The following RPAP2 variants were observed in gnomAD, a reference collection of about 807,000 sequenced individuals.
RPAP2 encodes the protein putative RNA polymerase II subunit B1 CTD phosphatase RPAP2.
RPAP2 carries 52 observed loss-of-function variants against 73.1 expected under a neutral mutation model. The observed-to-expected ratio is 0.71, with a 90% CI of 0.57 to 0.90. RPAP2 has a LOEUF of 0.90. Among genes scored for constraint, RPAP2 ranks in the 40% least tolerant of loss-of-function variants. The pLI, the probability that RPAP2 is intolerant of heterozygous loss-of-function variation, is 0.00. For missense variants in RPAP2, 598 were observed against 701.8 expected, an observed-to-expected ratio of 0.85 and a Z score of 1.67; for synonymous variants, 225 against 242.1, an observed-to-expected ratio of 0.93 and a Z score of 0.65.
intron 10 of RPAP2, among the ~76,000 whole-genome samples, chr1:92,345,612 T>C (rs1653847893): frequency 6.6e-6 from 1 of 152,070 alleles, no homozygotes; most frequent in Admixed American, 6.6e-5. Flanking sequence ...AGTAGTAATA[T>C]TATTAAAAAC....
At chr1:92,365,025 A>G (rs771729805) in intron 11 of RPAP2, among the ~76,000 whole-genome samples, 24 of 152,208 alleles carry the variant, frequency 1.6e-4, no homozygotes, top group Non-Finnish European at 2.9e-4. Context: ...TTCCCCCACA[A>G]TCATCTTCAA....
intron 2 of RPAP2, among the ~76,000 whole-genome samples, chr1:92,301,015 G>C (rs1650816018): frequency 6.6e-6 from 1 of 152,240 alleles, no homozygotes; most frequent in Non-Finnish European, 1.5e-5. Context: ...AATTTAGTTG[G>C]AGGTGGGTGG....
intron 8 of RPAP2, among the ~76,000 whole-genome samples, chr1:92,328,020 TCTG>T (rs1360213256): frequency 1.3e-5 from 2 of 152,218 alleles, no homozygotes; most frequent in Non-Finnish European, 2.9e-5. Flanking sequence ...TGCTGAGAAA[TCTG>T]CTGTTAATCT....
At position 92,324,211 on chromosome 1, in the gene RPAP2, G is replaced by A. The variant is rs1391030948; in HGVS notation, c.1291G>A (p.Asp431Asn). Residue 431 changes from aspartate to asparagine, a missense_variant, in exon 8 of 13, where the codon GAT (aspartate) becomes AAT (asparagine). This residue lies in a region of RPAP2 where 506 missense variants were observed against 612.8 expected (regional missense o/e 0.83). Transcript: ENST00000610020. ...CTGGAGGGAATCTCAGAACAGCTTG[G>A]ATGAGTCTTTACCTTTTAGGGGCTC... ...PAWRESQNSLDESLPFRGSGT... is the reference protein window; with the variant it reads ...PAWRESQNSLNESLPFRGSGT... 1 of 1,613,996 alleles carries A rather than the reference G, an allele frequency of 6.2e-7. No individual in the cohort carries two copies. Among genetic ancestry groups the A allele is most frequent in the African/African-American group, 1.3e-5 (1 of 74,920 alleles).
At chr1:92,303,573 A>G (rs910731034) in intron 3 of RPAP2, among the ~76,000 whole-genome samples, 1 of 152,174 alleles carries the variant, frequency 6.6e-6, no homozygotes, top group Non-Finnish European at 1.5e-5. Context: ...GCTTTAAAAA[A>G]TAGGTAAAAT....
intron 8 of RPAP2, among the ~76,000 whole-genome samples, chr1:92,331,202 T>C (rs1334900608): frequency 1.3e-5 from 2 of 152,226 alleles, no homozygotes; most frequent in African/African-American, 2.4e-5. Context: ...TGGAGCAACC[T>C]TTCTATTTGC....
Position 92,387,127 on chromosome 1 carries a change from A to C in RPAP2, c.*116A>C. On this transcript the variant is annotated 3_prime_UTR_variant, in exon 13 of 13. Transcript: ENST00000610020. ...TAGTTTTATTCCAAGACATACCTTT[A>C]CCTCTTTAAGTTTCAATCTCCCATC... The C allele has an allele frequency of 9.3e-7, 1 of 1,073,532 alleles. No individual in the cohort carries two copies. The highest frequency in any genetic ancestry group is 1.3e-6 in the Non-Finnish European group (1 of 760,294). The allele number at this position is 1,073,532 out of a possible 1,614,324, so 66.5% of individuals were successfully genotyped here.
intron 12 of RPAP2, among the ~76,000 whole-genome samples, chr1:92,382,741 T>C (rs1362470563): frequency 6.6e-6 from 1 of 152,220 alleles, no homozygotes; most frequent in Non-Finnish European, 1.5e-5. Flanking sequence ...CTGATGGTAG[T>C]TTCTTTGCTG....
intron 11 of RPAP2, among the ~76,000 whole-genome samples, chr1:92,353,867 A>C (rs1413363368): frequency 6.6e-6 from 1 of 152,198 alleles, no homozygotes; most frequent in Non-Finnish European, 1.5e-5. Flanking sequence ...GTTTCTAAAG[A>C]AATAATACTT....
intron 8 of RPAP2, among the ~76,000 whole-genome samples, chr1:92,332,860 A>G (rs947201470): frequency 4.6e-5 from 7 of 152,152 alleles, no homozygotes; most frequent in African/African-American, 9.6e-5. Flanking sequence ...AGGATCTCAG[A>G]CTGTAATTCT....
chr1:92,381,641 G>C (rs1414441900), intron 12 of RPAP2, among the ~76,000 whole-genome samples: 1 of 124,824 alleles, frequency 8.0e-6, no homozygotes, highest in South Asian at 2.6e-4. Context: ...ACAGAATGTT[G>C]TAAAATAAAA....
intron 5 of RPAP2, 31 bp from the exon 6 acceptor site, chr1:92,307,156 GA>G (rs751979517): frequency 6.1e-6 from 9 of 1,479,420 alleles, no homozygotes; most frequent in South Asian, 5.9e-5. Context: ...TTCATGATAA[GA>G]AAAAAACTAG....
intron 11 of RPAP2, among the ~76,000 whole-genome samples, chr1:92,355,073 T>C (rs752465112): frequency 1.3e-5 from 2 of 151,938 alleles, no homozygotes; most frequent in Admixed American, 6.6e-5. Flanking sequence ...TAATTATTAT[T>C]ATTATTTTTT....
chr1:92,393,027 A>G lies in RPAP2; in HGVS notation c.*6016A>G, dbSNP rs1453049372. The G allele has an allele frequency of 6.6e-6, 1 of 152,188 alleles. No individual in the cohort carries two copies. Among genetic ancestry groups the G allele is most frequent in the Non-Finnish European group, 1.5e-5 (1 of 68,036 alleles). 9.4% of individuals were successfully genotyped at this position (152,188 alleles called of 1,614,324 possible). On this transcript the variant is annotated 3_prime_UTR_variant, in exon 13 of 13. Coordinates refer to ENST00000610020, the MANE Select transcript of RPAP2 (RefSeq NM_024813.3). The stretch of plus-strand genomic sequence containing the variant: ...AAAAAGAGCCCACCTAGCCAAGACA[A>G]TCCTGGGCAAGAAGAACAAAGCTGG...
Position 92,303,962 on chromosome 1 carries a change from C to A in RPAP2, c.235-15C>A. On this transcript the variant is annotated splice_polypyrimidine_tract_variant and intron_variant, in intron 3 of 12. Coordinates refer to ENST00000610020, the MANE Select transcript of RPAP2 (RefSeq NM_024813.3). Reference sequence around the variant, plus strand: ...TATTAAACTAGGAGGAAATAACCCTCTCATTTCATTTTAGGGGAGGTTCAT... The same window carrying A: ...TATTAAACTAGGAGGAAATAACCCTATCATTTCATTTTAGGGGAGGTTCAT... 6.5e-7 allele frequency: 1 copy of A among 1,548,312 alleles called. No individual in the cohort carries two copies. The highest frequency in any genetic ancestry group is 1.2e-5 in the South Asian group (1 of 85,200).
chr1:92,358,827 A>G (rs982278354), intron 11 of RPAP2, among the ~76,000 whole-genome samples: 8 of 152,116 alleles, frequency 5.3e-5, no homozygotes, highest in Non-Finnish European at 1.0e-4. Flanking sequence ...AACTTAAGTG[A>G]TCCCCAACCT....
At position 92,336,440 on chromosome 1, in the gene RPAP2, A is replaced by C. The variant is rs1653283830; in HGVS notation, c.1619+13A>C. The C allele has an allele frequency of 6.6e-7, 1 of 1,507,006 alleles. No homozygotes were observed. Among genetic ancestry groups the C allele is most frequent in the Admixed American group, 1.7e-5 (1 of 59,024 alleles). The allele number at this position is 1,507,006 out of a possible 1,614,324, so 93.4% of individuals were successfully genotyped here. A position where few individuals can be genotyped will look rare whatever the true frequency, so the allele number is the denominator to read the frequency against. The stretch of plus-strand genomic sequence containing the variant: ...TTCGAACTTTCAGGTTAGTGTTTAT[A>C]TTACAATTATCCTTCTCAATTATTT... On this transcript the variant is annotated intron_variant, in intron 10 of 12. Transcript: ENST00000610020.
intron 6 of RPAP2, among the ~76,000 whole-genome samples, chr1:92,308,426 G>T (rs1397857814): frequency 6.6e-6 from 1 of 152,136 alleles, no homozygotes; most frequent in Non-Finnish European, 1.5e-5. Context: ...TGTCACTAGA[G>T]CTGCCCAGTA....
chr1:92,385,854 C>A (rs1655844191), intron 12 of RPAP2, among the ~76,000 whole-genome samples: 1 of 152,196 alleles, frequency 6.6e-6, no homozygotes, highest in Non-Finnish European at 1.5e-5. Flanking sequence ...GAGCCTCTGG[C>A]TCAGGGTCTT....
Sources: allele counts gnomAD v4.1 joint callset (sites outside exome capture counted in the v4.1 genomes callset), GRCh38; gene constraint gnomAD v4.1.1; regional missense constraint gnomAD v4.1.1; transcripts MANE v1.5; gene names NCBI Gene and HGNC (gene_info 2026-07-23, HGNC 2026-07-21).